The following RARB variants were observed in gnomAD, a reference collection of about 807,000 sequenced individuals.
The protein encoded by RARB is retinoic acid receptor beta, also known as HBV-activated protein.
A neutral mutation model predicts 51.9 loss-of-function variants in RARB; 17 were observed. That is an observed-to-expected ratio of 0.33 (90% CI 0.22 to 0.49). The LOEUF (loss-of-function observed/expected upper bound fraction) is 0.49. Among genes scored for constraint, RARB ranks in the 20% least tolerant of loss-of-function variants. RARB has a pLI of 0.99. For synonymous variants in RARB, 215 were observed against 195.4 expected, an observed-to-expected ratio of 1.10 and a Z score of -0.84; for missense variants, 369 against 550.8, an observed-to-expected ratio of 0.67 and a Z score of 3.30.
chr3:25,498,950 C>G (rs1697170053), intron 2 of RARB, among the ~76,000 whole-genome samples: 1 of 152,142 alleles, frequency 6.6e-6, no homozygotes, highest in African/African-American at 2.4e-5. Context: ...TATTTGTAAC[C>G]TGTTATTTTA....
At chr3:25,464,658 T>C (rs757373777) in intron 2 of RARB, among the ~76,000 whole-genome samples, 31 of 151,962 alleles carry the variant, frequency 2.0e-4, no homozygotes, top group Admixed American at 3.3e-4. Context: ...AATATAACTT[T>C]AAAAAAATTA....
intron 2 of RARB, among the ~76,000 whole-genome samples, chr3:25,058,404 G>C (rs1261540507): frequency 6.6e-6 from 1 of 151,594 alleles, no homozygotes; most frequent in Admixed American, 6.6e-5. Flanking sequence ...AATGACTTTT[G>C]GTTTTAAAAT....
rs143484410 is a variant in RARB at position 25,396,521 on chromosome 3, A to G, written c.179-64672A>G. Reference sequence around the variant, plus strand: ...TTTTGAAGAGAGCATCAGCTGTGGTAGTATAGTGGGGATACAAGCTTGCCC... The same window carrying G: ...TTTTGAAGAGAGCATCAGCTGTGGTGGTATAGTGGGGATACAAGCTTGCCC... On this transcript the variant is annotated intron_variant, in intron 5 of 11. Transcript: ENST00000383772. Among the ~76,000 whole-genome samples the G allele has an allele frequency of 6.3e-3, 961 of 152,278 alleles. 7 individuals carry two copies. The highest frequency in any genetic ancestry group is 0.024 in the Middle Eastern group (7 of 294).
intron 4 of RARB, among the ~76,000 whole-genome samples, chr3:25,165,194 C>G (rs1048500352): frequency 6.6e-6 from 1 of 152,142 alleles, no homozygotes; most frequent in Non-Finnish European, 1.5e-5. Flanking sequence ...AAGCCAAACT[C>G]AGAAGCACAG....
At chr3:24,892,026 A>T (rs988882933) in intron 2 of RARB, among the ~76,000 whole-genome samples, 1 of 152,060 alleles carries the variant, frequency 6.6e-6, no homozygotes, top group Non-Finnish European at 1.5e-5. Flanking sequence ...GTGCCCACCC[A>T]CAGCCCAGTT....
chr3:24,946,263 CA>C lies in RARB; in HGVS notation c.-380+87528del, dbSNP rs201010416. Among the ~76,000 whole-genome samples the C allele has an allele frequency of 8.5e-3, 989 of 116,486 alleles. 16 individuals carry two copies. The highest frequency in any genetic ancestry group is 0.054 in the Admixed American group (552 of 10,244). The allele number at this position is 116,486 out of a possible 152,430, so 76.4% of individuals were successfully genotyped here. A position where few individuals can be genotyped will look rare whatever the true frequency, so the allele number is the denominator to read the frequency against. On this transcript the variant is annotated intron_variant, in intron 2 of 11. Transcript: ENST00000383772. ...TGGGGGACAAAATGAGACTCCATCT[CA>C]AAAAAAAAAAAAAAAAGAAATCACT...
chr3:25,102,610 AT>A (rs1256983839), intron 3 of RARB, among the ~76,000 whole-genome samples: 1 of 152,010 alleles, frequency 6.6e-6, no homozygotes, highest in Non-Finnish European at 1.5e-5. Context: ...GAATATATAT[AT>A]TTTTGAATTT....
chr3:25,157,764 A>G (rs1700403313), intron 4 of RARB, among the ~76,000 whole-genome samples: 3 of 152,104 alleles, frequency 2.0e-5, no homozygotes. Context: ...TTATTTTCTC[A>G]TTTTTTAAAT....
chr3:25,261,409 C>A (rs1033873579), intron 5 of RARB, among the ~76,000 whole-genome samples: 1 of 152,110 alleles, frequency 6.6e-6, no homozygotes, highest in Non-Finnish European at 1.5e-5. Flanking sequence ...ATGAGCATCT[C>A]TTTTCTGTAG....
chr3:25,229,837 C>T (rs1190174106), intron 5 of RARB, among the ~76,000 whole-genome samples: 1 of 152,056 alleles, frequency 6.6e-6, no homozygotes, highest in Non-Finnish European at 1.5e-5. Context: ...AAAAAGTAAA[C>T]AGTTGTGACA....
chr3:25,232,966 T>A (rs1426402271), intron 5 of RARB, among the ~76,000 whole-genome samples: 1 of 146,052 alleles, frequency 6.8e-6, no homozygotes, highest in Non-Finnish European at 1.5e-5. Flanking sequence ...ATGCCTTTTT[T>A]CTTTTTCTTT....
At chr3:24,999,506 A>G (rs574996445) in intron 2 of RARB, among the ~76,000 whole-genome samples, 2 of 152,272 alleles carry the variant, frequency 1.3e-5, no homozygotes, top group South Asian at 2.1e-4. Context: ...AAGCCTACCA[A>G]TACATACTTT....
chr3:25,118,942 A>G (rs955847931), intron 3 of RARB, among the ~76,000 whole-genome samples: 3 of 152,190 alleles, frequency 2.0e-5, no homozygotes, highest in Admixed American at 2.0e-4. Flanking sequence ...AAATAAAAAT[A>G]TCAGTAAATA....
chr3:25,302,090 C>G (rs1237908567), intron 5 of RARB, among the ~76,000 whole-genome samples: 1 of 152,176 alleles, frequency 6.6e-6, no homozygotes, highest in Non-Finnish European at 1.5e-5. Context: ...CTACTTTATA[C>G]TCACTACCAT....
intron 2 of RARB, among the ~76,000 whole-genome samples, chr3:24,954,645 TGA>T (rs1360592907): frequency 6.6e-6 from 1 of 152,056 alleles, no homozygotes; most frequent in Non-Finnish European, 1.5e-5. Context: ...CAGAAAGGTG[TGA>T]GAGACAATAG....
At chr3:25,045,669 A>C (rs531158389) in intron 2 of RARB, among the ~76,000 whole-genome samples, 33 of 152,332 alleles carry the variant, frequency 2.2e-4, no homozygotes, top group Non-Finnish European at 4.0e-4. Context: ...GAACCTTTTA[A>C]AAAATGTAAG....
chr3:24,864,166 T>A (rs1423671672), intron 2 of RARB, among the ~76,000 whole-genome samples: 1 of 152,156 alleles, frequency 6.6e-6, no homozygotes, highest in Non-Finnish European at 1.5e-5. Flanking sequence ...ATGCACACAG[T>A]CACTGATGTT....
intron 5 of RARB, among the ~76,000 whole-genome samples, chr3:25,194,387 A>G (rs1199681688): frequency 6.6e-6 from 1 of 151,640 alleles, no homozygotes; most frequent in African/African-American, 2.4e-5. Context: ...CTTTTACCAT[A>G]TGCACATACA....
chr3:25,130,678 G>A (rs1401277569), intron 3 of RARB, among the ~76,000 whole-genome samples: 2 of 151,778 alleles, frequency 1.3e-5, no homozygotes, highest in South Asian at 2.1e-4. Context: ...TCAACCCTGA[G>A]CATTGTGTCA....
Sources: allele counts gnomAD v4.1 joint callset (sites outside exome capture counted in the v4.1 genomes callset), GRCh38; gene constraint gnomAD v4.1.1; transcripts MANE v1.5; gene names NCBI Gene and HGNC (gene_info 2026-07-23, HGNC 2026-07-21).